The following MEIKIN variants were observed in gnomAD, a reference collection of about 807,000 sequenced individuals.
MEIKIN encodes meiotic kinetochore factor, also known as meiosis-specific kinetochore protein.
chr5:131,934,032 GC>G (rs1561759295), intron 4 of MEIKIN, among the ~76,000 whole-genome samples: 1 of 151,800 alleles, frequency 6.6e-6, no homozygotes, highest in African/African-American at 2.4e-5. Flanking sequence ...TACAACCTCC[GC>G]CTCCCGGGTC....
intron 11 of MEIKIN, among the ~76,000 whole-genome samples, chr5:131,849,991 A>T (rs953790032): frequency 5.3e-5 from 8 of 152,124 alleles, no homozygotes; most frequent in African/African-American, 7.2e-5. Flanking sequence ...CAAAGTCAAT[A>T]CACAAAAATC....
chr5:131,852,560 C>T (rs1750133030), intron 10 of MEIKIN, among the ~76,000 whole-genome samples: 1 of 152,070 alleles, frequency 6.6e-6, no homozygotes, highest in South Asian at 2.1e-4. Flanking sequence ...AGAAACCAGG[C>T]ACAAAACGCC....
chr5:131,920,664 C>T (rs1751489215), intron 6 of MEIKIN, among the ~76,000 whole-genome samples: 1 of 151,686 alleles, frequency 6.6e-6, no homozygotes. Flanking sequence ...AACATCATTT[C>T]TGTGGTATTC....
chr5:131,911,877 A>T lies in MEIKIN; in HGVS notation c.641T>A (p.Val214Glu). Residue 214 changes from valine to glutamate, a missense_variant and splice_region_variant, in exon 8 of 13, where the codon GTG becomes GAG. Val to Glu is a moderately radical substitution (Grantham distance 121, BLOSUM62 -2). Coordinates refer to ENST00000442687, the MANE Select transcript of MEIKIN (RefSeq NM_001303622.2). ...AACATTTTGATCTGCTACTGTCATC[A>T]CTCTATAACAAGAACAAACTGTTTA... is the stretch of plus-strand genomic sequence containing the variant. ...EDYQKCHRKTVMTVADQNVSP... is the reference protein window; with the variant it reads ...EDYQKCHRKTEMTVADQNVSP... 5.0e-6 allele frequency: 2 copies of T among 397,664 alleles called. No individual in the cohort carries two copies. Among genetic ancestry groups the T allele is most frequent in the Non-Finnish European group, 8.9e-6 (2 of 225,140 alleles). The allele number at this position is 397,664 out of a possible 1,614,324, so 24.6% of individuals were successfully genotyped here.
intron 11 of MEIKIN, among the ~76,000 whole-genome samples, chr5:131,819,253 A>AT: frequency 6.6e-6 from 1 of 152,028 alleles, no homozygotes; most frequent in East Asian, 1.9e-4. Flanking sequence ...AAATTCCTTG[A>AT]TTTTTTACCT....
intron 9 of MEIKIN, among the ~76,000 whole-genome samples, chr5:131,863,905 C>T (rs2149620817): frequency 6.6e-6 from 1 of 152,266 alleles, no homozygotes; most frequent in African/African-American, 2.4e-5. Flanking sequence ...TGACTTGCTC[C>T]TCCTCGCCTT....
rs187689008 is a variant in MEIKIN at position 131,893,986 on chromosome 5, C to T, written c.704-14938G>A. On this transcript the variant is annotated intron_variant, in intron 8 of 12. Coordinates refer to ENST00000442687, the MANE Select transcript of MEIKIN (RefSeq NM_001303622.2). ...GAAGTCTTTGCCCATGTCTACGTCA[C>T]GAATGGTATTGCCTAGGTTTTCTTC... is the stretch of plus-strand genomic sequence containing the variant. 2.6e-4 allele frequency among the ~76,000 whole-genome samples: 39 copies of T among 152,230 alleles called. No homozygotes were observed. The South Asian group carries it at 3.3e-3, about 13-fold the overall frequency.
intron 4 of MEIKIN, among the ~76,000 whole-genome samples, chr5:131,941,208 G>C (rs530631067): frequency 8.1e-6 from 1 of 123,636 alleles, no homozygotes; most frequent in Admixed American, 1.0e-4. Flanking sequence ...CCCCAGGCTG[G>C]AGTGTAATGA....
At chr5:131,927,971 C>T (rs1388234045) in intron 5 of MEIKIN, among the ~76,000 whole-genome samples, 1 of 151,674 alleles carries the variant, frequency 6.6e-6, no homozygotes, top group East Asian at 1.9e-4. Context: ...CGGTGAAACC[C>T]CGTCTCTACT....
chr5:131,864,303 TCTC>T (rs1750345294), intron 9 of MEIKIN, among the ~76,000 whole-genome samples: 1 of 152,318 alleles, frequency 6.6e-6, no homozygotes, highest in East Asian at 1.9e-4. Flanking sequence ...TTGAGTCCTT[TCTC>T]CTCCTCCTTT....
At chr5:131,822,345 G>A (rs1459585429) in intron 11 of MEIKIN, among the ~76,000 whole-genome samples, 5 of 151,384 alleles carry the variant, frequency 3.3e-5, no homozygotes, top group Non-Finnish European at 5.9e-5. Context: ...TTTTTTTCTG[G>A]TTGACTGACG....
At chr5:131,889,007 C>A (rs138429731) in intron 8 of MEIKIN, among the ~76,000 whole-genome samples, 1 of 152,138 alleles carries the variant, frequency 6.6e-6, no homozygotes, top group African/African-American at 2.4e-5. Context: ...GTTTGTCAAA[C>A]ATCAGATAGT....
chr5:131,870,437 A>G (rs897426254), intron 9 of MEIKIN, among the ~76,000 whole-genome samples: 3 of 152,004 alleles, frequency 2.0e-5, no homozygotes, highest in Non-Finnish European at 2.9e-5. Context: ...CCAGGGATTG[A>G]CCTGGGCCCA....
At chr5:131,847,972 G>C (rs1057341176) in intron 11 of MEIKIN, among the ~76,000 whole-genome samples, 1 of 152,022 alleles carries the variant, frequency 6.6e-6, no homozygotes, top group Non-Finnish European at 1.5e-5. Context: ...AAAATACTTA[G>C]AGACAAATGA....
At chr5:131,816,303 T>C (rs1443187907) in intron 12 of MEIKIN, among the ~76,000 whole-genome samples, 6 of 152,246 alleles carry the variant, frequency 3.9e-5, no homozygotes, top group Admixed American at 3.3e-4. Context: ...AGTTCAATAC[T>C]AATCTAAGCG....
intron 8 of MEIKIN, among the ~76,000 whole-genome samples, chr5:131,885,313 C>T (rs1393804272): frequency 3.6e-5 from 5 of 140,802 alleles, no homozygotes; most frequent in Admixed American, 8.0e-5. Flanking sequence ...TGTTACCCCA[C>T]CCCCAGCTGC....
At chr5:131,898,953 A>G (rs377452633) in intron 8 of MEIKIN, among the ~76,000 whole-genome samples, 94 of 152,296 alleles carry the variant, frequency 6.2e-4, no homozygotes, top group African/African-American at 1.8e-3. Context: ...AGCAGTCCCA[A>G]TGAGATGAAC....
At chr5:131,860,472 G>A (rs1297814341) in intron 9 of MEIKIN, among the ~76,000 whole-genome samples, 1 of 151,726 alleles carries the variant, frequency 6.6e-6, no homozygotes, top group African/African-American at 2.4e-5. Context: ...TTGAGACAGA[G>A]TCTTGCTCTG....
intron 11 of MEIKIN, among the ~76,000 whole-genome samples, chr5:131,836,099 A>C (rs964931627): frequency 2.6e-5 from 4 of 152,042 alleles, no homozygotes; most frequent in Admixed American, 2.6e-4. Flanking sequence ...GTATATGTCC[A>C]TGTGTTCTTA....
Sources: allele counts gnomAD v4.1 joint callset (sites outside exome capture counted in the v4.1 genomes callset), GRCh38; gene constraint gnomAD v4.1.1; transcripts MANE v1.5; gene names NCBI Gene and HGNC (gene_info 2026-07-23, HGNC 2026-07-21).